The following CCDC30 variants were observed in gnomAD, a reference collection of about 807,000 sequenced individuals.
CCDC30 encodes coiled-coil domain containing 30.
A neutral mutation model predicts 100.2 loss-of-function variants in CCDC30; 70 were observed. The observed-to-expected ratio is 0.70, with a 90% CI of 0.58 to 0.85. CCDC30 has a LOEUF of 0.85. Among genes scored for constraint, CCDC30 ranks in the 40% least tolerant of loss-of-function variants. The probability of loss-of-function intolerance (pLI) is 0.00; values close to 1 mark genes in which losing one functional copy is unlikely to be tolerated. For missense variants in CCDC30, 652 were observed against 771.2 expected, an observed-to-expected ratio of 0.85 and a Z score of 1.83; for synonymous variants, 233 against 269.5, an observed-to-expected ratio of 0.86 and a Z score of 1.33.
intron 11 of CCDC30, among the ~76,000 whole-genome samples, chr1:42,613,073 A>G (rs1255882502): frequency 6.6e-6 from 1 of 152,212 alleles, no homozygotes; most frequent in African/African-American, 2.4e-5. Context: ...AAATCATGCA[A>G]GAAAGAATTC....
intron 11 of CCDC30, among the ~76,000 whole-genome samples, chr1:42,630,197 A>C (rs1557472926): frequency 6.6e-6 from 1 of 151,298 alleles, no homozygotes; most frequent in African/African-American, 2.4e-5. Flanking sequence ...CTGGTTGTGA[A>C]TGCCTGACTT....
chr1:42,636,764 G>A (rs940637191), intron 11 of CCDC30, among the ~76,000 whole-genome samples: 2 of 151,728 alleles, frequency 1.3e-5, no homozygotes, highest in Non-Finnish European at 2.9e-5. Flanking sequence ...TCAGGAGTTC[G>A]AGACCAGCCT....
intron 13 of CCDC30, 127 bp from the exon 18 acceptor site, chr1:42,644,566 C>A: frequency 1.6e-6 from 1 of 623,996 alleles, no homozygotes; most frequent in South Asian, 1.9e-5. Context: ...ATTATTCTGT[C>A]AAACTTGCTT....
chr1:42,493,481 C>G (rs753546737), intron 4 of CCDC30, among the ~76,000 whole-genome samples: 1 of 151,896 alleles, frequency 6.6e-6, no homozygotes, highest in African/African-American at 2.4e-5. Flanking sequence ...CCAGCTAACT[C>G]GGGAGGCTGA....
intron 6 of CCDC30, 51 bp downstream of exon 6, chr1:42,498,967 A>G: frequency 3.1e-6 from 3 of 966,678 alleles, no homozygotes; most frequent in Non-Finnish European, 4.0e-6. Context: ...TTTGAGTTGC[A>G]TTTTTACAGA....
chr1:42,573,220 A>G (rs1645769811), intron 7 of CCDC30, among the ~76,000 whole-genome samples: 1 of 152,214 alleles, frequency 6.6e-6, no homozygotes, highest in African/African-American at 2.4e-5. Flanking sequence ...CATTGAATCT[A>G]TAGGTCAATT....
intron 8 of CCDC30, among the ~76,000 whole-genome samples, chr1:42,580,062 G>A (rs1448801265): frequency 6.6e-6 from 1 of 152,194 alleles, no homozygotes; most frequent in African/African-American, 2.4e-5. Flanking sequence ...CACACAATGG[G>A]CTTCAAGTAT....
chr1:42,611,810 G>A (rs1435545005), intron 11 of CCDC30, among the ~76,000 whole-genome samples: 1 of 152,098 alleles, frequency 6.6e-6, no homozygotes, highest in Non-Finnish European at 1.5e-5. Context: ...CTGAGTAGAT[G>A]GGACTGCAGT....
chr1:42,616,967 C>T (rs1646738029), intron 11 of CCDC30, among the ~76,000 whole-genome samples: 1 of 151,814 alleles, frequency 6.6e-6, no homozygotes, highest in African/African-American at 2.4e-5. Flanking sequence ...TATTAGATAA[C>T]AATGTGGGAA....
chr1:42,654,471 G>C (rs1039629941), downstream of CCDC30: 1 of 158,584 alleles, frequency 6.3e-6, no homozygotes, highest in Admixed American at 6.3e-5. Flanking sequence ...GGTGGATCAC[G>C]AGGTCAGGAG....
intron 15 of CCDC30, among the ~76,000 whole-genome samples, chr1:42,647,951 T>C (rs1193572843): frequency 6.6e-6 from 1 of 152,140 alleles, no homozygotes; most frequent in Admixed American, 6.5e-5. Context: ...TGTTGTTTGT[T>C]TGTTTTTAGA....
intron 3 of CCDC30, among the ~76,000 whole-genome samples, chr1:42,485,083 A>G (rs1399114651): frequency 6.6e-6 from 1 of 152,120 alleles, no homozygotes; most frequent in East Asian, 1.9e-4. Context: ...TATTTTTTAG[A>G]GCTGTATAGT....
chr1:42,458,747 G>C (rs545450673), upstream of CCDC30, among the ~76,000 whole-genome samples: 25 of 152,166 alleles, frequency 1.6e-4, 1 homozygote, highest in South Asian at 4.8e-3. Context: ...GTTCTATCTT[G>C]AAAGTAACAA....
chr1:42,606,376 C>T (rs1476714125), intron 10 of CCDC30, among the ~76,000 whole-genome samples: 4 of 152,152 alleles, frequency 2.6e-5, no homozygotes, highest in African/African-American at 9.7e-5. Context: ...TTCCCGGGTT[C>T]AAATGATTCT....
intron 10 of CCDC30, among the ~76,000 whole-genome samples, chr1:42,598,626 G>A (rs1351426163): frequency 6.6e-6 from 1 of 151,990 alleles, no homozygotes; most frequent in African/African-American, 2.4e-5. Context: ...TAATAAATAT[G>A]GTAGATATAA....
intron 9 of CCDC30, among the ~76,000 whole-genome samples, chr1:42,582,655 A>T (rs1178602598): frequency 1.3e-5 from 2 of 152,228 alleles, no homozygotes; most frequent in Non-Finnish European, 2.9e-5. Context: ...CTTTCTAGAA[A>T]GTCAATAAGC....
chr1:42,457,448 C>A, the CCDC30 span: 1 of 1,039,806 alleles, frequency 9.6e-7, no homozygotes, highest in Non-Finnish European at 1.5e-6. Flanking sequence ...TCTGTATTCG[C>A]TAGGCACAGG....
intron 1 of CCDC30, among the ~76,000 whole-genome samples, chr1:42,466,188 G>C (rs930194607): frequency 4.6e-5 from 7 of 152,174 alleles, no homozygotes; most frequent in African/African-American, 1.7e-4. Context: ...AGTTTTTGTG[G>C]CTGTGCTATG....
At chr1:42,656,943 G>A (rs1476811387), downstream of CCDC30, among the ~76,000 whole-genome samples, 2 of 152,164 alleles carry the variant, frequency 1.3e-5, no homozygotes, top group Non-Finnish European at 2.9e-5. Context: ...TTCTAAAACA[G>A]TTGGTATAAA....
Sources: gnomAD v4.1 joint callset for allele counts (sites outside exome capture counted in the v4.1 genomes callset) on GRCh38, gnomAD v4.1.1 for gene constraint, MANE v1.5 for transcripts, NCBI Gene and HGNC (gene_info 2026-07-23, HGNC 2026-07-21) for gene names.